CFAP43: variants seen among roughly 807,000 people sequenced by gnomAD.
CFAP43 encodes the protein cilia- and flagella-associated protein 43.
Under a neutral mutation model 218.9 loss-of-function variants are expected in CFAP43, and 155 were observed. The observed-to-expected ratio is 0.71, with a 90% CI of 0.62 to 0.81. The LOEUF is 0.81. CFAP43 is among the 30% of genes least tolerant of loss of function. The probability of loss-of-function intolerance (pLI) is 0.00; values close to 1 mark genes in which losing one functional copy is unlikely to be tolerated. For missense variants in CFAP43, 1,778 were observed against 1,954.3 expected, an observed-to-expected ratio of 0.91 and a Z score of 1.70; for synonymous variants, 645 against 681.3, an observed-to-expected ratio of 0.95 and a Z score of 0.83.
At chr10:104,132,652 A>G (rs2087253481) in intron 35 of CFAP43, 29 of 985,338 alleles carry the variant, frequency 2.9e-5, no homozygotes, top group Non-Finnish European at 3.4e-5. Flanking sequence ...CTTTTGTGCC[A>G]TAATATTTCC....
chr10:104,185,069 T>G lies in CFAP43; in HGVS notation c.2088A>C (p.Gln696His), dbSNP rs1029864088. ...CATCTCTCCCATTCACCAGAATGTT[T>G]TGTCCATCCATTGAAATTCTCATTG... ...IQSMRISMDGQNILVNGRDDG... is the reference protein window; with the variant it reads ...IQSMRISMDGHNILVNGRDDG... Residue 696 changes from glutamine (Q) to histidine (H), a missense_variant, in exon 16 of 38, where the codon CAA (glutamine) becomes CAC (histidine). By Grantham distance (24) the Gln-to-His change is conservative (BLOSUM62 0). Coordinates refer to ENST00000357060, the MANE Select transcript of CFAP43 (RefSeq NM_025145.7). The G allele has an allele frequency of 1.2e-6, 2 of 1,614,040 alleles. No homozygotes were observed. The highest frequency in any genetic ancestry group is 8.5e-7 in the Non-Finnish European group (1 of 1,180,028).
intron 34 of CFAP43, among the ~76,000 whole-genome samples, chr10:104,134,062 C>T (rs564399724): frequency 6.6e-6 from 1 of 152,092 alleles, no homozygotes; most frequent in Admixed American, 6.5e-5. Flanking sequence ...TTGCCATCAC[C>T]CAATCTACCA....
At chr10:104,177,624 A>G (rs1434145149) in intron 19 of CFAP43, among the ~76,000 whole-genome samples, 1 of 152,246 alleles carries the variant, frequency 6.6e-6, no homozygotes, top group South Asian at 2.1e-4. Flanking sequence ...GGGCTCAAAG[A>G]AGAGTGGAAA....
intron 25 of CFAP43, 95 bp downstream of exon 25, chr10:104,162,222 C>T (rs893214091): frequency 4.9e-5 from 65 of 1,330,130 alleles, no homozygotes; most frequent in Middle Eastern, 3.6e-4. Flanking sequence ...CCTCTGACCA[C>T]GACAAATGTG....
intron 3 of CFAP43, among the ~76,000 whole-genome samples, chr10:104,215,376 C>A (rs963015481): frequency 6.6e-6 from 1 of 152,108 alleles, no homozygotes; most frequent in African/African-American, 2.4e-5. Context: ...GCTTAGCTTG[C>A]CTTTCACTCC....
At position 104,130,091 on chromosome 10, in the gene CFAP43, T is replaced by G. The variant is rs759254693; in HGVS notation, c.*48A>C. ...AGGAAATCATTTTACCCAAATGAAA[T>G]GATTTTTTAAATGATTGATTTGGCC... On this transcript the variant is annotated 3_prime_UTR_variant, in exon 38 of 38. Coordinates refer to ENST00000357060, the MANE Select transcript of CFAP43 (RefSeq NM_025145.7). The G allele has an allele frequency of 6.5e-7, 1 of 1,529,712 alleles. No homozygotes were observed. Among genetic ancestry groups the G allele is most frequent in the East Asian group, 2.4e-5 (1 of 42,452 alleles). 94.8% of individuals were successfully genotyped at this position (1,529,712 alleles called of 1,614,324 possible).
At position 104,228,121 on chromosome 10, in the gene CFAP43, C is replaced by T. The variant is rs184919862; in HGVS notation, c.319+2469G>A. 4.9e-4 allele frequency among the ~76,000 whole-genome samples: 74 copies of T among 152,102 alleles called. 1 individual carries two copies. The highest frequency in any genetic ancestry group is 9.6e-4 in the Non-Finnish European group (65 of 67,988). The stretch of plus-strand genomic sequence containing the variant: ...CCTCCCAAAGTGCTGGGATTACAGG[C>T]GTGAGCCACTGTGCCCGGCCCATAT... On this transcript the variant is annotated intron_variant, in intron 2 of 37. Coordinates refer to ENST00000357060, the MANE Select transcript of CFAP43 (RefSeq NM_025145.7).
Position 104,166,662 on chromosome 10 carries a change from A to C in CFAP43, c.2865T>G (p.His955Gln), listed in dbSNP as rs781370565. The change falls in exon 23 of 38, where the codon CAT (histidine) becomes CAG (glutamine). Residue 955 changes from histidine to glutamine, a missense_variant. Physicochemically the swap from His to Gln is conservative, Grantham distance 24. Coordinates refer to ENST00000357060, the MANE Select transcript of CFAP43 (RefSeq NM_025145.7). ...QSGVKLIKQR[H>Q]EEDDEEEEEE... Reference sequence around the variant, plus strand: ...CTTCCTCTTCTTCATCATCCTCTTCATGACGCTGTTTAATCAACTTAACTC... The same window carrying C: ...CTTCCTCTTCTTCATCATCCTCTTCCTGACGCTGTTTAATCAACTTAACTC... 1 of 1,613,970 alleles carries C rather than the reference A, an allele frequency of 6.2e-7. No homozygotes were observed. The highest frequency in any genetic ancestry group is 1.1e-5 in the South Asian group (1 of 91,074).
intron 12 of CFAP43, among the ~76,000 whole-genome samples, chr10:104,189,773 T>TG (rs1266623636): frequency 6.6e-6 from 1 of 151,720 alleles, no homozygotes; most frequent in Non-Finnish European, 1.5e-5. Context: ...GAGGCTGAGG[T>TG]GGGAGGATTG....
chr10:104,192,224 G>A lies in CFAP43; in HGVS notation c.1521C>T (p.Ser507=), dbSNP rs2090249668. The A allele has an allele frequency of 1.9e-6, 3 of 1,612,054 alleles. No homozygotes were observed. The highest frequency in any genetic ancestry group is 3.3e-5 in the Admixed American group (2 of 59,910). The change falls in exon 12 of 38, where the codon AGC becomes AGT. Residue 507 remains serine (S), a synonymous_variant. Transcript: ENST00000357060. ...CTGTGAATCCAATAATCTGAAATGA[G>A]CTTGAGGAGTTGGCATTGATAATAA... ...KVFIINANSS[S]SFQIIGFTEV...
At chr10:104,131,283 A>G in intron 37 of CFAP43, 48 bp downstream of exon 37, 1 of 1,576,428 alleles carries the variant, frequency 6.3e-7, no homozygotes, top group Non-Finnish European at 8.6e-7. Context: ...ATTACTGATT[A>G]CTTTTAAAGA....
chr10:104,133,740 A>G lies in CFAP43; in HGVS notation c.4476T>C (p.Asp1492=). Reference sequence around the variant, plus strand: ...CAATCTGAAGTATTCTTTTGTGTACATCTTTACTTTCCATCATGCTAGCAA... The same window carrying G: ...CAATCTGAAGTATTCTTTTGTGTACGTCTTTACTTTCCATCATGCTAGCAA... The part of the protein sequence containing the change: ...KKVASMMESK[D]VHKRILQIEW... Residue 1492 remains aspartate (D), a synonymous_variant, in exon 35 of 38, where the codon GAT becomes GAC. Coordinates refer to ENST00000357060, the MANE Select transcript of CFAP43 (RefSeq NM_025145.7). The G allele has an allele frequency of 1.2e-6, 2 of 1,612,574 alleles. No individual in the cohort carries two copies. The highest frequency in any genetic ancestry group is 1.1e-5 in the South Asian group (1 of 90,588).
chr10:104,156,797 T>C (rs974711585), intron 27 of CFAP43, among the ~76,000 whole-genome samples: 3 of 152,188 alleles, frequency 2.0e-5, no homozygotes, highest in Non-Finnish European at 4.4e-5. Flanking sequence ...AGCACAATGA[T>C]ATGGTACTTT....
In CFAP43 at chr10:104,232,218, C is replaced by T. The variant is rs373215387; in HGVS notation, c.29G>A (p.Gly10Asp). The T allele has an allele frequency of 2.5e-6, 4 of 1,609,034 alleles. No individual in the cohort carries two copies. In the African/African-American group the frequency reaches 4.0e-5, roughly 16 times the overall value. ...GGACGCGCCGCCGGCGGAGTGGGGGCCTTCGTCGCGCTCCCGGCCTTGCGC... is the reference window on the plus strand; with the variant it reads ...GGACGCGCCGCCGGCGGAGTGGGGGTCTTCGTCGCGCTCCCGGCCTTGCGC... MAQGRERDE[G>D]PHSAGGASLS... Residue 10 changes from glycine to aspartate, a missense_variant, in exon 1 of 38, where the codon GGC (glycine) becomes GAC (aspartate). This residue lies in a region of CFAP43 where 1,553 missense variants were observed against 1,685.2 expected (regional missense o/e 0.92). Transcript: ENST00000357060.
At chr10:104,223,801 G>C (rs1001944497) in intron 3 of CFAP43, among the ~76,000 whole-genome samples, 2 of 152,164 alleles carry the variant, frequency 1.3e-5, no homozygotes, top group Non-Finnish European at 2.9e-5. Context: ...GGTGAATAAA[G>C]TATGGTATAT....
At chr10:104,207,594 G>GAA (rs1206775756) in intron 6 of CFAP43, 71 bp downstream of exon 6, 1 of 1,449,578 alleles carries the variant, frequency 6.9e-7, no homozygotes, top group Non-Finnish European at 9.3e-7. Flanking sequence ...CCAAGAAAGA[G>GAA]AAAAATAGGG....
rs757989232 is a variant in CFAP43, at chr10:104,162,367, C to T, written c.3283G>A (p.Ala1095Thr). The change falls in exon 25 of 38, where the codon GCC becomes ACC. Residue 1095 changes from alanine to threonine, a missense_variant. Coordinates refer to ENST00000357060, the MANE Select transcript of CFAP43 (RefSeq NM_025145.7). ...AHKHIKPWHK[A>T]KELIVNHEKE... ...TCATGATTCACGATCAATTCTTTGG[C>T]TTTGTGCCACGGCTTAATGTGTTTG... 1.2e-6 allele frequency: 2 copies of T among 1,614,178 alleles called. No homozygotes were observed. The highest frequency in any genetic ancestry group is 1.6e-4 in the Middle Eastern group (1 of 6,062).
chr10:104,135,988 G>A (rs943355663), intron 34 of CFAP43, among the ~76,000 whole-genome samples: 1 of 152,080 alleles, frequency 6.6e-6, no homozygotes, highest in Non-Finnish European at 1.5e-5. Context: ...AGTGGCTCAC[G>A]CCTGTAATCC....
chr10:104,151,518 C>T (rs1431427575), intron 28 of CFAP43, among the ~76,000 whole-genome samples: 1 of 152,032 alleles, frequency 6.6e-6, no homozygotes, highest in African/African-American at 2.4e-5. Context: ...AGCTTTTTTT[C>T]ATATGCTTGT....
Sources: allele counts gnomAD v4.1 joint callset (sites outside exome capture counted in the v4.1 genomes callset), GRCh38; gene constraint gnomAD v4.1.1; regional missense constraint gnomAD v4.1.1; transcripts MANE v1.5; gene names NCBI Gene and HGNC (gene_info 2026-07-23, HGNC 2026-07-21).